The following PCDHGA5 variants were observed in gnomAD, a reference collection of about 807,000 sequenced individuals.
The protein encoded by PCDHGA5 is protocadherin gamma subfamily A, 5, also known as protocadherin gamma-A5.
A neutral mutation model predicts 56.7 loss-of-function variants in PCDHGA5; 36 were observed. That is an observed-to-expected ratio of 0.64 (90% CI 0.49 to 0.84). PCDHGA5 has a LOEUF of 0.84. Ranked by LOEUF, PCDHGA5 falls within the 40% of genes least tolerant of loss-of-function variation. PCDHGA5 has a pLI of 0.00. For missense variants in PCDHGA5, 1,305 were observed against 1,201.5 expected (o/e 1.09, Z -1.27); for synonymous variants, 563 against 520.2 (o/e 1.08, Z -1.12).
chr5:141,372,451 C>A (rs749000608), intron 1 of PCDHGA5: 1 of 1,614,042 alleles, frequency 6.2e-7, no homozygotes, highest in East Asian at 2.2e-5. Context: ...GACCCTCAGG[C>A]GGAGCTACAG....
At chr5:141,388,459 C>G in intron 1 of PCDHGA5, 1 of 1,613,696 alleles carries the variant, frequency 6.2e-7, no homozygotes, top group Non-Finnish European at 8.5e-7. Flanking sequence ...AGTAAATACC[C>G]TGAGATGGTA....
chr5:141,401,587 T>C (rs1455949609), intron 1 of PCDHGA5, among the ~76,000 whole-genome samples: 3 of 152,226 alleles, frequency 2.0e-5, no homozygotes, highest in Non-Finnish European at 2.9e-5. Context: ...TCCTGACATA[T>C]TCTTGAAGAA....
chr5:141,370,235 G>T, intron 1 of PCDHGA5: 5 of 608,818 alleles, frequency 8.2e-6, no homozygotes, highest in Non-Finnish European at 1.3e-5. Flanking sequence ...CAGCTCGGAA[G>T]AAAAGTGCAC....
At chr5:141,407,222 C>CA (rs895046980) in intron 1 of PCDHGA5, among the ~76,000 whole-genome samples, 4 of 151,730 alleles carry the variant, frequency 2.6e-5, no homozygotes, top group African/African-American at 7.2e-5. Flanking sequence ...AAGTGGGTAG[C>CA]AAAAAAAATA....
At chr5:141,395,156 T>C in intron 1 of PCDHGA5, 4 of 1,614,114 alleles carry the variant, frequency 2.5e-6, no homozygotes, top group East Asian at 4.5e-5. Context: ...TGCTCATCAG[T>C]CAGGAGGGCT....
At chr5:141,414,882 C>T (rs759814512) in intron 1 of PCDHGA5, 7 of 1,614,104 alleles carry the variant, frequency 4.3e-6, no homozygotes, top group East Asian at 4.5e-5. Context: ...TCCTGTACCC[C>T]GCCCTCCCCA....
chr5:141,426,719 A>G (rs776136674), intron 1 of PCDHGA5: 2 of 446,424 alleles, frequency 4.5e-6, no homozygotes, highest in Non-Finnish European at 9.1e-6. Context: ...ATGAACTAGC[A>G]ATTCCAGGCA....
At chr5:141,382,873 C>G (rs1338163064) in intron 1 of PCDHGA5, 4 of 1,522,326 alleles carry the variant, frequency 2.6e-6, no homozygotes, top group Non-Finnish European at 3.5e-6. Context: ...CCGAGATCGG[C>G]GCCTAAGCAA....
At chr5:141,509,573 C>G (rs372901649) in intron 3 of PCDHGA5, among the ~76,000 whole-genome samples, 4 of 152,164 alleles carry the variant, frequency 2.6e-5, no homozygotes, top group Admixed American at 2.6e-4. Context: ...CTTCACAGTG[C>G]GTACAAATCA....
Position 141,487,171 on chromosome 5 carries a change from G to C in PCDHGA5, c.2422-7636G>C. ...CTGTTACTCTCTTAGTGTCCTTAGA[G>C]GAAGACACTCATCCAGTTGTCCCAG... On this transcript the variant is annotated intron_variant, in intron 1 of 3. Transcript: ENST00000518069. The surrounding 1 kb of genome is among the most constrained non-coding windows in gnomAD (Gnocchi z 5.0). 1 of 1,612,938 alleles carries C rather than the reference G, an allele frequency of 6.2e-7. No individual in the cohort carries two copies. Among genetic ancestry groups the C allele is most frequent in the Non-Finnish European group, 8.5e-7 (1 of 1,178,910 alleles).
intron 1 of PCDHGA5, among the ~76,000 whole-genome samples, chr5:141,464,162 G>A (rs1030872607): frequency 6.6e-6 from 1 of 151,946 alleles, no homozygotes; most frequent in African/African-American, 2.4e-5. Context: ...CTACTTGGAA[G>A]GCTGAGGCAG....
chr5:141,464,138 G>A (rs62379197), intron 1 of PCDHGA5, among the ~76,000 whole-genome samples: 42,814 of 151,688 alleles, frequency 0.28, 6,814 homozygotes, highest in African/African-American at 0.44. Context: ...GGTGGTGGGC[G>A]CCTGTAGTCC....
chr5:141,384,586 C>T lies in PCDHGA5; in HGVS notation c.2421+17835C>T, dbSNP rs747814318. ...CCAGAATGACAACCCGCCCGAGATC[C>T]TGTACCCGGCCCTCCCCACAGATGG... On this transcript the variant is annotated intron_variant, in intron 1 of 3. Transcript: ENST00000518069. The T allele has an allele frequency of 2.5e-6, 4 of 1,614,274 alleles. No homozygotes were observed. In the South Asian group the frequency reaches 4.4e-5, roughly 18 times the overall value.
At chr5:141,376,832 G>A (rs1773425503) in intron 1 of PCDHGA5, 3 of 257,250 alleles carry the variant, frequency 1.2e-5, no homozygotes, top group South Asian at 6.2e-5. Flanking sequence ...GACTACAGGC[G>A]CCCGCCACCG....
Position 141,431,994 on chromosome 5 carries a change from G to A in PCDHGA5, c.2422-62813G>A, listed in dbSNP as rs2097434865. ...TTAGTCACAGACATAGTCTTGGATA[G>A]GGAACAGGTTCCTAGCTACAACATC... On this transcript the variant is annotated intron_variant, in intron 1 of 3. Coordinates refer to ENST00000518069, the MANE Select transcript of PCDHGA5 (RefSeq NM_018918.3). The surrounding 1 kb of genome is among the most constrained non-coding windows in gnomAD (Gnocchi z 4.8). 6.2e-7 allele frequency: 1 copy of A among 1,614,188 alleles called. No homozygotes were observed. Among genetic ancestry groups the A allele is most frequent in the Non-Finnish European group, 8.5e-7 (1 of 1,180,038 alleles).
At chr5:141,418,746 A>G in intron 1 of PCDHGA5, 1 of 1,613,974 alleles carries the variant, frequency 6.2e-7, no homozygotes, top group Non-Finnish European at 8.5e-7. Context: ...TCTCTGGATT[A>G]CACTACAGGA....
At chr5:141,371,067 A>G (rs763857858) in intron 1 of PCDHGA5, 8 of 1,613,868 alleles carry the variant, frequency 5.0e-6, no homozygotes, top group Non-Finnish European at 6.8e-6. Flanking sequence ...CAGAAGCTGT[A>G]CCACCCAGAT....
chr5:141,456,641 G>A (rs2098873674), intron 1 of PCDHGA5, among the ~76,000 whole-genome samples: 1 of 152,160 alleles, frequency 6.6e-6, no homozygotes, highest in South Asian at 2.1e-4. Context: ...TACTACAGGT[G>A]TTAATCCCAA....
chr5:141,374,390 C>T, intron 1 of PCDHGA5: 2 of 1,614,024 alleles, frequency 1.2e-6, no homozygotes, highest in Non-Finnish European at 1.7e-6. Flanking sequence ...CCCGCGGTGT[C>T]TGGTGAGTTT....
Sources: allele counts gnomAD v4.1 joint callset (sites outside exome capture counted in the v4.1 genomes callset), GRCh38; gene constraint gnomAD v4.1.1; non-coding constraint Gnocchi (gnomAD v3.1); transcripts MANE v1.5; gene names NCBI Gene and HGNC (gene_info 2026-07-23, HGNC 2026-07-21).